RCAN3: variants seen among roughly 807,000 people sequenced by gnomAD.
The protein encoded by RCAN3 is regulator of calcineurin 3, also known as calcipressin-3.
RCAN3 carries 19 observed loss-of-function variants against 21.9 expected under a neutral mutation model. That is an observed-to-expected ratio of 0.87 (90% CI 0.61 to 1.27). The LOEUF (loss-of-function observed/expected upper bound fraction) is 1.27, where lower values mean the gene tolerates loss of function less well. Ranked by LOEUF, RCAN3 falls within the 50% of genes most tolerant of loss-of-function variation. The probability of loss-of-function intolerance (pLI) is 0.00; values close to 1 mark genes in which losing one functional copy is unlikely to be tolerated. For missense variants in RCAN3, 240 were observed against 300.1 expected (o/e 0.80, Z 1.48); for synonymous variants, 114 against 112.3 (o/e 1.01, Z -0.09).
At chr1:24,521,390 C>T (rs1207374225) in intron 2 of RCAN3, among the ~76,000 whole-genome samples, 1 of 151,868 alleles carries the variant, frequency 6.6e-6, no homozygotes, top group African/African-American at 2.4e-5. Flanking sequence ...GTAGTGAGAC[C>T]CCATCTCCTA....
chr1:24,540,234 A>G lies in RCAN3; in HGVS notation c.*4957A>G, dbSNP rs1650428320. On this transcript the variant is annotated 3_prime_UTR_variant, in exon 5 of 5. Transcript: ENST00000374395. ...TTATAAAAATCATCACGTTCAAAGTAGAGTTTTTAGCCAAGGTCAAGAACT... is the reference window on the plus strand; with the variant it reads ...TTATAAAAATCATCACGTTCAAAGTGGAGTTTTTAGCCAAGGTCAAGAACT... 2.0e-5 allele frequency: 3 copies of G among 152,486 alleles called. No individual in the cohort carries two copies. Among genetic ancestry groups the G allele is most frequent in the African/African-American group, 4.8e-5 (2 of 41,460 alleles). 9.4% of individuals were successfully genotyped at this position (152,486 alleles called of 1,614,324 possible). A position where few individuals can be genotyped will look rare whatever the true frequency, so the allele number is the denominator to read the frequency against.
chr1:24,514,610 A>C (rs565373254), intron 2 of RCAN3, 43 bp downstream of exon 2: 86 of 1,568,326 alleles, frequency 5.5e-5, no homozygotes, highest in Non-Finnish European at 6.9e-5. Flanking sequence ...TAGCATGTTA[A>C]ATGTGTATGG....
rs993320728 is a variant in RCAN3 at position 24,537,350 on chromosome 1, G to A, written c.*2073G>A. 7 of 151,872 alleles carry A rather than the reference G, an allele frequency of 4.6e-5. No homozygotes were observed. The highest frequency in any genetic ancestry group is 1.7e-4 in the African/African-American group (7 of 41,328). The allele number at this position is 151,872 out of a possible 1,614,324, so 9.4% of individuals were successfully genotyped here. On this transcript the variant is annotated 3_prime_UTR_variant, in exon 5 of 5. Transcript: ENST00000374395. ...CGAGTCATTTAAGCTTTTCTGAATG[G>A]AAAGTATTAATATTTTCATTTTTCT...
rs1486790606 is a variant in RCAN3 at position 24,540,490 on chromosome 1, G to C, written c.*5213G>C. On this transcript the variant is annotated 3_prime_UTR_variant, in exon 5 of 5. Coordinates refer to ENST00000374395, the MANE Select transcript of RCAN3 (RefSeq NM_013441.4). Reference sequence around the variant, plus strand: ...TACATGTTTTTAAATACTGTTTTCTGTTTAGTCCTCAATCTTCCTAACTCA... The same window carrying C: ...TACATGTTTTTAAATACTGTTTTCTCTTTAGTCCTCAATCTTCCTAACTCA... 1.3e-5 allele frequency: 2 copies of C among 152,146 alleles called. No individual in the cohort carries two copies. The highest frequency in any genetic ancestry group is 2.9e-5 in the Non-Finnish European group (2 of 68,032). The allele number at this position is 152,146 out of a possible 1,614,324, so 9.4% of individuals were successfully genotyped here.
chr1:24,530,650 C>T (rs1326916276), intron 2 of RCAN3, among the ~76,000 whole-genome samples: 2 of 152,130 alleles, frequency 1.3e-5, no homozygotes, highest in African/African-American at 2.4e-5. Context: ...GTATCATTCT[C>T]TTATATCTTG....
chr1:24,528,712 C>T (rs1056650269), intron 2 of RCAN3, among the ~76,000 whole-genome samples: 7 of 152,094 alleles, frequency 4.6e-5, no homozygotes, highest in African/African-American at 1.4e-4. Context: ...AGGTAGGAAG[C>T]GAAAGTGACC....
At chr1:24,502,736 A>T (rs909610799), upstream of RCAN3, among the ~76,000 whole-genome samples, 3 of 148,764 alleles carry the variant, frequency 2.0e-5, no homozygotes, top group Non-Finnish European at 4.5e-5. Context: ...GCGGCGAGAC[A>T]CCCCCACCCC....
At chr1:24,529,080 A>G (rs1171134250) in intron 2 of RCAN3, among the ~76,000 whole-genome samples, 5 of 152,196 alleles carry the variant, frequency 3.3e-5, no homozygotes, top group African/African-American at 1.2e-4. Context: ...TAAATAATTC[A>G]TGAGACAGGG....
At chr1:24,529,681 G>A (rs1649592143) in intron 2 of RCAN3, among the ~76,000 whole-genome samples, 1 of 150,532 alleles carries the variant, frequency 6.6e-6, no homozygotes. Flanking sequence ...CTCCCGAGTA[G>A]CTGGGATTAC....
Position 24,525,289 on chromosome 1 carries a change from T to C in RCAN3, c.196-5929T>C, listed in dbSNP as rs1430283552. On this transcript the variant is annotated intron_variant, in intron 2 of 4. Transcript: ENST00000374395. This position sits in a 1 kb window ranked among gnomAD's most constrained non-coding sequence, Gnocchi z 4.1. The stretch of plus-strand genomic sequence containing the variant: ...CAAGAAGGTTGATGGTTATGTGTTG[T>C]TCTTAGCTATTTTAGGTACAAGGTA... Among the ~76,000 whole-genome samples the C allele has an allele frequency of 6.6e-6, 1 of 152,254 alleles. No individual in the cohort carries two copies. The highest frequency in any genetic ancestry group is 1.9e-4 in the East Asian group (1 of 5,202).
At chr1:24,534,764 C>T (rs1277058175) in intron 4 of RCAN3, among the ~76,000 whole-genome samples, 1 of 152,188 alleles carries the variant, frequency 6.6e-6, no homozygotes, top group Non-Finnish European at 1.5e-5. Flanking sequence ...CGTGCCACTG[C>T]ACTCCAGCCT....
At chr1:24,507,269 T>C (rs535014499) in intron 1 of RCAN3, among the ~76,000 whole-genome samples, 1 of 152,208 alleles carries the variant, frequency 6.6e-6, no homozygotes, top group Non-Finnish European at 1.5e-5. Context: ...TTCCTGCCTT[T>C]GTTCATGTCC....
intron 2 of RCAN3, among the ~76,000 whole-genome samples, chr1:24,520,384 C>T (rs1648687813): frequency 6.6e-6 from 1 of 151,980 alleles, no homozygotes; most frequent in Non-Finnish European, 1.5e-5. Flanking sequence ...TGCTACAAAA[C>T]GTTGTTGAAA....
chr1:24,539,934 G>T lies in RCAN3; in HGVS notation c.*4657G>T, dbSNP rs925294741. 1 of 152,180 alleles carries T rather than the reference G, an allele frequency of 6.6e-6. No individual in the cohort carries two copies. Among genetic ancestry groups the T allele is most frequent in the Non-Finnish European group, 1.5e-5 (1 of 68,032 alleles). 9.4% of individuals were successfully genotyped at this position (152,180 alleles called of 1,614,324 possible). ...ACAATATAAAGGAACAAAAGATGGG[G>T]CAATAGTTGCTTCCTAGCTGGAGCT... On this transcript the variant is annotated 3_prime_UTR_variant, in exon 5 of 5. Transcript: ENST00000374395.
chr1:24,521,149 C>T (rs541740927), intron 2 of RCAN3, among the ~76,000 whole-genome samples: 1 of 152,288 alleles, frequency 6.6e-6, no homozygotes, highest in East Asian at 1.9e-4. Context: ...CAGAGACGAA[C>T]CTTTGTATAT....
chr1:24,505,702 C>T (rs1570439891), intron 1 of RCAN3, among the ~76,000 whole-genome samples: 1 of 152,052 alleles, frequency 6.6e-6, no homozygotes, highest in Non-Finnish European at 1.5e-5. Flanking sequence ...TACAGCAGGA[C>T]ACTTGTAGAG....
rs544985825 is a variant in RCAN3 at position 24,521,109 on chromosome 1, A to G, written c.195+6542A>G. Among the ~76,000 whole-genome samples the G allele has an allele frequency of 9.8e-5, 15 of 152,346 alleles. No individual in the cohort carries two copies. In the South Asian group the frequency reaches 3.1e-3, roughly 32 times the overall value. On this transcript the variant is annotated intron_variant, in intron 2 of 4. Coordinates refer to ENST00000374395, the MANE Select transcript of RCAN3 (RefSeq NM_013441.4). ...GTGTGGTACTGGCATAAAGACAAAC[A>G]TAGAGATGGATGGAATTGAATAGAA...
Position 24,505,768 on chromosome 1 carries a change from CA to C in RCAN3, c.-60+2625del, listed in dbSNP as rs200642950. Among the ~76,000 whole-genome samples the C allele has an allele frequency of 9.8e-3, 1,492 of 152,018 alleles. 33 individuals carry two copies. The highest frequency in any genetic ancestry group is 0.034 in the African/African-American group (1,406 of 41,460). On this transcript the variant is annotated intron_variant, in intron 1 of 4. Transcript: ENST00000374395. ...ATTGTTTGGTAGCATTTTTAACATA[CA>C]AAAAAAGTGAAAAGTACATCTAGCT...
At chr1:24,522,778 C>T (rs960496703) in intron 2 of RCAN3, among the ~76,000 whole-genome samples, 2 of 152,132 alleles carry the variant, frequency 1.3e-5, no homozygotes, top group African/African-American at 4.8e-5. Context: ...CTGTTCCAGA[C>T]TCTCAAAATA....
Sources: allele counts gnomAD v4.1 joint callset (sites outside exome capture counted in the v4.1 genomes callset), GRCh38; gene constraint gnomAD v4.1.1; non-coding constraint Gnocchi (gnomAD v3.1); transcripts MANE v1.5; gene names NCBI Gene and HGNC (gene_info 2026-07-23, HGNC 2026-07-21).